NPSR1: variants seen among roughly 807,000 people sequenced by gnomAD.
NPSR1 encodes neuropeptide S receptor.
Under a neutral mutation model 46.9 loss-of-function variants are expected in NPSR1, and 48 were observed. The ratio of observed to expected loss-of-function variants is 1.02; its 90% CI spans 0.81 to 1.30. The LOEUF (loss-of-function observed/expected upper bound fraction) is 1.30, where lower values mean the gene tolerates loss of function less well. NPSR1 is among the 50% of genes most tolerant of loss of function. The probability of loss-of-function intolerance (pLI) is 0.00; values close to 1 mark genes in which losing one functional copy is unlikely to be tolerated. For synonymous variants in NPSR1, 176 were observed against 168.1 expected (o/e 1.05, Z -0.36); for missense variants, 450 against 449.5 (o/e 1.00, Z -0.01).
intron 4 of NPSR1, among the ~76,000 whole-genome samples, chr7:34,814,275 A>G (rs1789135029): frequency 6.6e-6 from 1 of 152,240 alleles, no homozygotes; most frequent in Non-Finnish European, 1.5e-5. Flanking sequence ...GGAGGTCTGG[A>G]GCCTTGCTCA....
intron 3 of NPSR1, among the ~76,000 whole-genome samples, chr7:34,803,388 T>C (rs1033117734): frequency 2.0e-5 from 3 of 151,954 alleles, no homozygotes; most frequent in Non-Finnish European, 4.4e-5. Flanking sequence ...TATGCAACCA[T>C]AAAAAAGGAT....
chr7:34,761,095 GC>G (rs1222845086), intron 2 of NPSR1: 1 of 152,824 alleles, frequency 6.5e-6, no homozygotes, highest in Admixed American at 6.5e-5. Flanking sequence ...ATGATCTTGG[GC>G]CCCTTCCTCC....
chr7:34,822,653 T>C (rs553742302), intron 4 of NPSR1, among the ~76,000 whole-genome samples: 7 of 152,260 alleles, frequency 4.6e-5, no homozygotes, highest in African/African-American at 1.7e-4. Context: ...AAATTTCAAA[T>C]CAGTTGGCAA....
intron 2 of NPSR1, among the ~76,000 whole-genome samples, chr7:34,775,441 T>A (rs1289984272): frequency 6.6e-6 from 1 of 152,190 alleles, no homozygotes; most frequent in Non-Finnish European, 1.5e-5. Flanking sequence ...ATGTTTGGTA[T>A]AATTCAGCAG....
At chr7:34,795,515 A>G (rs924978295) in intron 3 of NPSR1, among the ~76,000 whole-genome samples, 6 of 152,122 alleles carry the variant, frequency 3.9e-5, no homozygotes, top group African/African-American at 1.4e-4. Context: ...AATCTAAAAT[A>G]ATTAACCAAA....
At chr7:34,675,194 T>G (rs977820940) in intron 1 of NPSR1, among the ~76,000 whole-genome samples, 3 of 152,240 alleles carry the variant, frequency 2.0e-5, no homozygotes, top group Non-Finnish European at 4.4e-5. Flanking sequence ...CCTTCTTAAA[T>G]GATGCTTGGC....
chr7:34,785,303 T>C (rs1431890451), intron 3 of NPSR1, among the ~76,000 whole-genome samples: 1 of 146,090 alleles, frequency 6.8e-6, no homozygotes, highest in Non-Finnish European at 1.5e-5. Context: ...ACATCGCATG[T>C]TATCACACTT....
At chr7:34,666,448 C>A (rs1319640190) in intron 1 of NPSR1, among the ~76,000 whole-genome samples, 3 of 152,060 alleles carry the variant, frequency 2.0e-5, no homozygotes, top group African/African-American at 7.2e-5. Flanking sequence ...AAGATTTTTC[C>A]TTTTCTGATG....
chr7:34,734,883 T>C (rs1171229841), intron 2 of NPSR1, among the ~76,000 whole-genome samples: 3 of 152,232 alleles, frequency 2.0e-5, no homozygotes, highest in African/African-American at 7.2e-5. Context: ...TCACCTCCTA[T>C]TGGCCTTATA....
At chr7:34,784,958 T>C (rs1787394331) in intron 3 of NPSR1, among the ~76,000 whole-genome samples, 1 of 152,114 alleles carries the variant, frequency 6.6e-6, no homozygotes. Context: ...TCAACCATTG[T>C]GGAAGTCAGT....
chr7:34,769,207 T>G (rs1027745177), intron 2 of NPSR1, among the ~76,000 whole-genome samples: 4 of 152,178 alleles, frequency 2.6e-5, no homozygotes, highest in Non-Finnish European at 1.5e-5. Context: ...GGCTTATTAA[T>G]TATGCCTCTT....
chr7:34,810,482 G>A (rs1412440318), intron 3 of NPSR1, among the ~76,000 whole-genome samples: 5 of 152,176 alleles, frequency 3.3e-5, no homozygotes, highest in Non-Finnish European at 7.3e-5. Context: ...CAGTGGGAAG[G>A]AAGAGGAGAC....
chr7:34,701,565 C>A (rs187883785), intron 2 of NPSR1, among the ~76,000 whole-genome samples: 2 of 152,142 alleles, frequency 1.3e-5, no homozygotes, highest in Admixed American at 6.5e-5. Context: ...AATGAATATG[C>A]CTTCTCTCTT....
chr7:34,862,533 T>A (rs1055237583), intron 8 of NPSR1, among the ~76,000 whole-genome samples: 2 of 151,786 alleles, frequency 1.3e-5, no homozygotes, highest in African/African-American at 4.9e-5. Flanking sequence ...TCTCTCTATC[T>A]AAAATACCTA....
intron 1 of NPSR1, among the ~76,000 whole-genome samples, chr7:34,667,719 C>A (rs966082005): frequency 6.6e-6 from 1 of 152,080 alleles, no homozygotes; most frequent in Non-Finnish European, 1.5e-5. Flanking sequence ...CAAGAACCCT[C>A]ATGAAGATTC....
intron 3 of NPSR1, among the ~76,000 whole-genome samples, chr7:34,809,086 T>C (rs748254325): frequency 6.6e-6 from 1 of 152,160 alleles, no homozygotes; most frequent in Non-Finnish European, 1.5e-5. Context: ...AACCTCACCA[T>C]GATGTTCCAC....
At chr7:34,862,866 G>C (rs1791220863) in intron 8 of NPSR1, among the ~76,000 whole-genome samples, 3 of 151,584 alleles carry the variant, frequency 2.0e-5, no homozygotes, top group African/African-American at 7.3e-5. Flanking sequence ...ATCTAGTTTG[G>C]GTGATAAATT....
chr7:34,849,965 G>T lies in NPSR1; in HGVS notation c.*310G>T. ...TAGTGGTCCAGGGTCCTGGCTTGGAGCCAGTGAGTAGACAGGCAAGCAGAG... is the reference window on the plus strand; with the variant it reads ...TAGTGGTCCAGGGTCCTGGCTTGGATCCAGTGAGTAGACAGGCAAGCAGAG... On this transcript the variant is annotated 3_prime_UTR_variant, in exon 9 of 9. Transcript: ENST00000360581. 1 of 1,101,176 alleles carries T rather than the reference G, an allele frequency of 9.1e-7. No homozygotes were observed. The highest frequency in any genetic ancestry group is 3.4e-5 in the South Asian group (1 of 29,058). The allele number at this position is 1,101,176 out of a possible 1,614,324, so 68.2% of individuals were successfully genotyped here.
At chr7:34,686,401 A>G (rs1396325439) in intron 2 of NPSR1, among the ~76,000 whole-genome samples, 1 of 152,150 alleles carries the variant, frequency 6.6e-6, no homozygotes. Flanking sequence ...AATTTCCTTC[A>G]TACACATTTT....
Sources: gnomAD v4.1 joint callset for allele counts (sites outside exome capture counted in the v4.1 genomes callset) on GRCh38, gnomAD v4.1.1 for gene constraint, MANE v1.5 for transcripts, NCBI Gene and HGNC (gene_info 2026-07-23, HGNC 2026-07-21) for gene names.